The following PI4K2A variants were observed in gnomAD, a reference collection of about 807,000 sequenced individuals.
PI4K2A encodes phosphatidylinositol 4-kinase type 2 alpha.
PI4K2A carries 20 observed loss-of-function variants against 55.0 expected under a neutral mutation model. The ratio of observed to expected loss-of-function variants is 0.36; its 90% CI spans 0.26 to 0.53. The LOEUF (loss-of-function observed/expected upper bound fraction) is 0.53. PI4K2A is among the 20% of genes least tolerant of loss of function. The pLI is 0.91. For missense variants in PI4K2A, 463 were observed against 637.1 expected (o/e 0.73, Z 2.94); for synonymous variants, 235 against 258.5 (o/e 0.91, Z 0.87).
intron 2 of PI4K2A, among the ~76,000 whole-genome samples, chr10:97,652,625 A>G (rs1387811943): frequency 6.6e-6 from 1 of 152,138 alleles, no homozygotes; most frequent in Non-Finnish European, 1.5e-5. Flanking sequence ...TCAGGTTTAG[A>G]TAGCAGATTC....
intron 1 of PI4K2A, among the ~76,000 whole-genome samples, chr10:97,645,763 G>C (rs1206401638): frequency 6.6e-6 from 1 of 151,724 alleles, no homozygotes; most frequent in Non-Finnish European, 1.5e-5. Flanking sequence ...CTGTCGCCCA[G>C]GCTGGAGTGC....
At position 97,656,761 on chromosome 10, in the gene PI4K2A, C is replaced by G. The variant is rs904254771; in HGVS notation, c.769-60C>G. ...CCTTAATGGGTATCTGGCATATACTCCAAAGGTCTTTGGATTTGGGCAGTA... is the reference window on the plus strand; with the variant it reads ...CCTTAATGGGTATCTGGCATATACTGCAAAGGTCTTTGGATTTGGGCAGTA... On this transcript the variant is annotated intron_variant, in intron 3 of 8. Transcript: ENST00000370631. The surrounding 1 kb of genome is among the most constrained non-coding windows in gnomAD (Gnocchi z 4.5). The G allele has an allele frequency of 6.5e-7, 1 of 1,545,034 alleles. No homozygotes were observed. The highest frequency in any genetic ancestry group is 1.4e-5 in the African/African-American group (1 of 73,510).
At chr10:97,643,133 C>T (rs898015248) in intron 1 of PI4K2A, among the ~76,000 whole-genome samples, 3 of 151,250 alleles carry the variant, frequency 2.0e-5, no homozygotes, top group South Asian at 2.1e-4. Context: ...ACTACAGGCA[C>T]GCACCACCAC....
intron 8 of PI4K2A, among the ~76,000 whole-genome samples, chr10:97,671,891 T>A (rs184085088): frequency 9.9e-5 from 15 of 152,224 alleles, no homozygotes; most frequent in African/African-American, 3.6e-4. Context: ...TGACCTCAGG[T>A]GACCCGCCCA....
At chr10:97,666,724 CA>C (rs1229917098) in intron 7 of PI4K2A, among the ~76,000 whole-genome samples, 153 bp downstream of exon 7, 1 of 152,154 alleles carries the variant, frequency 6.6e-6, no homozygotes, top group African/African-American at 2.4e-5. Flanking sequence ...ATGTGGACAG[CA>C]GGACCTGGTT....
At position 97,656,264 on chromosome 10, in the gene PI4K2A, A is replaced by T; in HGVS notation, c.637-21A>T. 1 of 1,606,486 alleles carries T rather than the reference A, an allele frequency of 6.2e-7. No homozygotes were observed. The highest frequency in any genetic ancestry group is 8.5e-7 in the Non-Finnish European group (1 of 1,173,484). ...CCTTAAACTTGACTCTAACCTTAGT[A>T]TCTCTTCTCTTTCACTGTAGGTAGT... is the stretch of plus-strand genomic sequence containing the variant. On this transcript the variant is annotated intron_variant, in intron 2 of 8. Coordinates refer to ENST00000370631, the Ensembl canonical transcript of PI4K2A. The surrounding 1 kb of genome is among the most constrained non-coding windows in gnomAD (Gnocchi z 4.5).
chr10:97,671,326 C>T lies in PI4K2A; in HGVS notation c.1279-2255C>T, dbSNP rs372825141. Among the ~76,000 whole-genome samples, 7 of 152,166 alleles carry T rather than the reference C, an allele frequency of 4.6e-5. No individual in the cohort carries two copies. The East Asian group carries it at 9.7e-4, about 21-fold the overall frequency. The stretch of plus-strand genomic sequence containing the variant: ...TGAGGACTGGACTCAGTGGCTCATG[C>T]CTGTTATCCCAACACTTTGGGAGGC... On this transcript the variant is annotated intron_variant, in intron 8 of 8. Coordinates refer to ENST00000370631, the Ensembl canonical transcript of PI4K2A.
intron 7 of PI4K2A, 89 bp from the exon 8 acceptor site, chr10:97,666,972 C>G: frequency 1.0e-6 from 1 of 986,180 alleles, no homozygotes. Flanking sequence ...TGCAGGTTTT[C>G]CTTCTTAGAA....
chr10:97,646,907 T>C (rs1323337299), intron 1 of PI4K2A, among the ~76,000 whole-genome samples: 2 of 152,028 alleles, frequency 1.3e-5, no homozygotes, highest in African/African-American at 4.8e-5. Flanking sequence ...CCTGAGTAGC[T>C]GGTACTACAG....
chr10:97,658,384 T>A (rs2041565795), intron 4 of PI4K2A, among the ~76,000 whole-genome samples: 1 of 152,260 alleles, frequency 6.6e-6, no homozygotes, highest in Non-Finnish European at 1.5e-5. Flanking sequence ...TTTTTAAGGA[T>A]AAATACTGAT....
intron 8 of PI4K2A, among the ~76,000 whole-genome samples, chr10:97,670,166 C>G (rs112091847): frequency 0.014 from 2,199 of 152,264 alleles, 53 homozygotes; most frequent in African/African-American, 0.049. Flanking sequence ...TCCCAAGGTG[C>G]TGAAATTATA....
At chr10:97,657,097 G>C in intron 4 of PI4K2A, 123 bp downstream of exon 4, 1 of 882,370 alleles carries the variant, frequency 1.1e-6, no homozygotes, top group East Asian at 2.6e-5. Flanking sequence ...GTAGTTTTCA[G>C]AAGTGGTGAG....
At position 97,640,927 on chromosome 10, in the gene PI4K2A, T is replaced by A. The variant is rs1304824498; in HGVS notation, c.185T>A (p.Leu62Ter). Residue 62 changes from leucine (L) to a stop codon, truncating the protein, a stop_gained, in exon 1 of 9, where the codon TTG becomes TAG. Coordinates refer to ENST00000370631, the Ensembl canonical transcript of PI4K2A. LOFTEE classifies it high-confidence loss of function. ...CACGACCGCGAGCGGCAGCCACTGTTGGATCGGGCCCGGGGCGCGGCGGCC... is the reference window on the plus strand; with the variant it reads ...CACGACCGCGAGCGGCAGCCACTGTAGGATCGGGCCCGGGGCGCGGCGGCC... The A allele has an allele frequency of 3.0e-6, 4 of 1,354,004 alleles. No homozygotes were observed. Among genetic ancestry groups the A allele is most frequent in the Non-Finnish European group, 3.8e-6 (4 of 1,061,124 alleles). 83.9% of individuals were successfully genotyped at this position (1,354,004 alleles called of 1,614,324 possible).
At chr10:97,661,560 T>C (rs2041584482) in intron 4 of PI4K2A, among the ~76,000 whole-genome samples, 1 of 151,996 alleles carries the variant, frequency 6.6e-6, no homozygotes, top group African/African-American at 2.4e-5. Flanking sequence ...CTCACTATGT[T>C]GCCCAGGCTG....
intron 1 of PI4K2A, among the ~76,000 whole-genome samples, chr10:97,646,704 A>C (rs2041506666): frequency 6.6e-6 from 1 of 152,170 alleles, no homozygotes; most frequent in Admixed American, 6.5e-5. Context: ...TTAGCATAGC[A>C]TGACACCCTC....
At chr10:97,657,061 G>C in intron 4 of PI4K2A, 87 bp downstream of exon 4, 1 of 1,342,838 alleles carries the variant, frequency 7.4e-7, no homozygotes, top group South Asian at 1.2e-5. Flanking sequence ...TTGGGAGTCA[G>C]AGTACCTTGT....
At chr10:97,651,170 C>T (rs768483213) in intron 2 of PI4K2A, 29 bp downstream of exon 2, 20 of 1,571,060 alleles carry the variant, frequency 1.3e-5, no homozygotes, top group Non-Finnish European at 1.8e-5. Context: ...GGAAGCCTTA[C>T]TGCCTGGCCA....
At chr10:97,666,317 G>T (rs1446585349) in intron 6 of PI4K2A, 121 bp from the exon 7 acceptor site, 2 of 843,394 alleles carry the variant, frequency 2.4e-6, no homozygotes, top group East Asian at 2.5e-5. Flanking sequence ...GTAAGTTTTT[G>T]TTTCTGTTGT....
chr10:97,660,705 A>T (rs971791705), intron 4 of PI4K2A, among the ~76,000 whole-genome samples: 1 of 151,416 alleles, frequency 6.6e-6, no homozygotes, highest in Non-Finnish European at 1.5e-5. Context: ...ATATACTGAA[A>T]TTTTTTTTAT....
Sources: gnomAD v4.1 joint callset for allele counts (sites outside exome capture counted in the v4.1 genomes callset) on GRCh38, gnomAD v4.1.1 for gene constraint, Gnocchi (gnomAD v3.1) non-coding constraint, MANE v1.5 for transcripts, NCBI Gene and HGNC (gene_info 2026-07-23, HGNC 2026-07-21) for gene names.